Variants in ELOVL7 observed in about 807,000 individuals in gnomAD.
ELOVL7 encodes ELOVL fatty acid elongase 7.
Under a neutral mutation model 35.7 loss-of-function variants are expected in ELOVL7, and 27 were observed. The ratio of observed to expected loss-of-function variants is 0.76; its 90% CI spans 0.56 to 1.04. ELOVL7 has a LOEUF of 1.04. Ranked by LOEUF, ELOVL7 falls within the 50% of genes least tolerant of loss-of-function variation. The pLI, the probability that ELOVL7 is intolerant of heterozygous loss-of-function variation, is 0.00. For missense variants in ELOVL7, 327 were observed against 340.8 expected, an observed-to-expected ratio of 0.96 and a Z score of 0.32; for synonymous variants, 113 against 114.6, an observed-to-expected ratio of 0.99 and a Z score of 0.09.
intron 3 of ELOVL7, chr5:60,786,064 T>C (rs1042116852): frequency 6.6e-6 from 1 of 152,202 alleles, no homozygotes; most frequent in Non-Finnish European, 1.5e-5. Context: ...AAAGTAGTGA[T>C]GGTGGTGAGT....
In ELOVL7 at chr5:60,764,277, T is replaced by C; in HGVS notation, c.449A>G (p.His150Arg). The stretch of plus-strand genomic sequence containing the variant: ...CCAGGTCCACGGCATGATGGTATGA[T>C]GGAATACATGAAGGAAAGTCACTTG... ...NSQVTFLHVF[H>R]HTIMPWTWWF... Residue 150 changes from histidine (H) to arginine (R), a missense_variant, in exon 7 of 9, where the codon CAT becomes CGT. His to Arg is a conservative substitution (Grantham distance 29). Transcript: ENST00000508821. The C allele has an allele frequency of 1.2e-6, 2 of 1,613,800 alleles. No homozygotes were observed.
intron 2 of ELOVL7, among the ~76,000 whole-genome samples, chr5:60,788,561 G>A (rs1200000791): frequency 6.6e-6 from 1 of 152,110 alleles, no homozygotes; most frequent in Non-Finnish European, 1.5e-5. Flanking sequence ...GATCACCTGA[G>A]GTCAGGAGTT....
At chr5:60,782,401 T>C (rs549624506) in intron 3 of ELOVL7, among the ~76,000 whole-genome samples, 4 of 152,294 alleles carry the variant, frequency 2.6e-5, no homozygotes, top group Non-Finnish European at 4.4e-5. Context: ...CTTCCAGATA[T>C]ATATCCAAAG....
intron 1 of ELOVL7, among the ~76,000 whole-genome samples, chr5:60,824,698 C>G (rs966121426): frequency 1.3e-5 from 2 of 152,198 alleles, no homozygotes; most frequent in Non-Finnish European, 2.9e-5. Flanking sequence ...TGGCCCAAGC[C>G]ACTGTCCTGT....
chr5:60,805,350 C>G (rs1046083208), intron 1 of ELOVL7, among the ~76,000 whole-genome samples: 1 of 152,146 alleles, frequency 6.6e-6, no homozygotes, highest in Non-Finnish European at 1.5e-5. Context: ...AACTTGGTAA[C>G]ATACAGGGCT....
intron 2 of ELOVL7, among the ~76,000 whole-genome samples, chr5:60,790,397 C>T (rs1360189431): frequency 6.6e-6 from 1 of 152,090 alleles, no homozygotes; most frequent in African/African-American, 2.4e-5. Flanking sequence ...TCAGCTGTAC[C>T]TTTACTGGAA....
At chr5:60,843,419 T>C (rs1177239681) in intron 1 of ELOVL7, 1 of 151,946 alleles carries the variant, frequency 6.6e-6, no homozygotes, top group Non-Finnish European at 1.5e-5. Context: ...GAACCAACGA[T>C]ACCTGGGACG....
At chr5:60,763,487 A>C (rs993335156) in intron 7 of ELOVL7, among the ~76,000 whole-genome samples, 2 of 152,214 alleles carry the variant, frequency 1.3e-5, no homozygotes, top group African/African-American at 4.8e-5. Context: ...AAGACTTTTA[A>C]AATTTAAGAA....
intron 2 of ELOVL7, among the ~76,000 whole-genome samples, chr5:60,795,584 T>C (rs1202837669): frequency 4.6e-5 from 7 of 152,196 alleles, no homozygotes; most frequent in Admixed American, 3.9e-4. Flanking sequence ...TGGTCCGTGT[T>C]TGTTCTGGCT....
chr5:60,815,752 A>G (rs61160187), intron 1 of ELOVL7, among the ~76,000 whole-genome samples: 44,650 of 151,936 alleles, frequency 0.29, 8,107 homozygotes, highest in East Asian at 0.48. Flanking sequence ...ATTTCTTTTT[A>G]GTAGAGATGG....
intron 1 of ELOVL7, among the ~76,000 whole-genome samples, chr5:60,810,494 A>G (rs921215501): frequency 2.0e-5 from 3 of 152,228 alleles, no homozygotes; most frequent in Non-Finnish European, 2.9e-5. Context: ...TTCAAAACTG[A>G]TGATAGATTT....
At chr5:60,841,688 G>A (rs1453246640) in intron 1 of ELOVL7, among the ~76,000 whole-genome samples, 1 of 152,072 alleles carries the variant, frequency 6.6e-6, no homozygotes, top group Non-Finnish European at 1.5e-5. Context: ...GTGTTAATCT[G>A]TCCATTTATG....
intron 1 of ELOVL7, among the ~76,000 whole-genome samples, chr5:60,814,026 A>G (rs1429470529): frequency 6.6e-6 from 1 of 152,158 alleles, no homozygotes; most frequent in Non-Finnish European, 1.5e-5. Flanking sequence ...TACATTAACC[A>G]AGAGATTCAA....
chr5:60,768,044 C>A (rs1181938058), intron 4 of ELOVL7, 141 bp from the exon 5 acceptor site: 1 of 585,882 alleles, frequency 1.7e-6, no homozygotes, highest in Non-Finnish European at 3.1e-6. Flanking sequence ...GGAACAAATA[C>A]AAAATGAACA....
In ELOVL7 at chr5:60,824,150, C is replaced by T. The variant is rs930271293; in HGVS notation, c.-86+20010G>A. On this transcript the variant is annotated intron_variant, in intron 1 of 8. Coordinates refer to ENST00000508821, the MANE Select transcript of ELOVL7 (RefSeq NM_024930.3). ...GATTAATTTGGAATTAGGGCTTTGC[C>T]AGGTAAATATGGAAGTAGGATAAAT... 2.6e-5 allele frequency among the ~76,000 whole-genome samples: 4 copies of T among 152,106 alleles called. No individual in the cohort carries two copies. In the South Asian group the frequency reaches 8.3e-4, roughly 32 times the overall value.
chr5:60,793,502 C>G (rs1744065086), intron 2 of ELOVL7, among the ~76,000 whole-genome samples: 1 of 152,014 alleles, frequency 6.6e-6, no homozygotes, highest in Non-Finnish European at 1.5e-5. Context: ...TACACAGAGC[C>G]CTGGAAACAT....
intron 1 of ELOVL7, among the ~76,000 whole-genome samples, chr5:60,815,489 A>G (rs1031105362): frequency 6.6e-6 from 1 of 152,166 alleles, no homozygotes; most frequent in Non-Finnish European, 1.5e-5. Flanking sequence ...TTCATTAAAA[A>G]GTAGGAAGTA....
intron 1 of ELOVL7, among the ~76,000 whole-genome samples, chr5:60,839,396 A>T (rs929095310): frequency 2.0e-5 from 3 of 152,234 alleles, no homozygotes; most frequent in Non-Finnish European, 4.4e-5. Context: ...TATCATTTAC[A>T]AAAAGAGTGA....
intron 1 of ELOVL7, among the ~76,000 whole-genome samples, chr5:60,825,309 G>C (rs115581335): frequency 2.0e-4 from 31 of 152,214 alleles, no homozygotes; most frequent in African/African-American, 6.7e-4. Flanking sequence ...TTTTCCTCCA[G>C]ATATCTGCCA....
Sources: allele counts gnomAD v4.1 joint callset (sites outside exome capture counted in the v4.1 genomes callset), GRCh38; gene constraint gnomAD v4.1.1; transcripts MANE v1.5; gene names NCBI Gene and HGNC (gene_info 2026-07-23, HGNC 2026-07-21).